Variants in CASZ1 observed in about 807,000 individuals in gnomAD.
The protein encoded by CASZ1 is castor zinc finger 1, also known as zinc finger protein castor homolog 1.
Under a neutral mutation model 135.2 loss-of-function variants are expected in CASZ1, and 28 were observed. That is an observed-to-expected ratio of 0.21 (90% CI 0.15 to 0.28). The LOEUF is 0.28. Among genes scored for constraint, CASZ1 ranks in the 10% least tolerant of loss-of-function variants. CASZ1 has a pLI of 1.00. For missense variants in CASZ1, 2,161 were observed against 2,453.3 expected (o/e 0.88, Z 2.52); for synonymous variants, 1,068 against 1,073.4 (o/e 0.99, Z 0.10).
intron 1 of CASZ1, among the ~76,000 whole-genome samples, chr1:10,763,526 T>C (rs1359345367): frequency 6.6e-6 from 1 of 152,188 alleles, no homozygotes; most frequent in African/African-American, 2.4e-5. Context: ...CACCCTCTTC[T>C]TCCAAGCCTC....
chr1:10,790,877 A>G (rs1640944709), intron 1 of CASZ1, among the ~76,000 whole-genome samples: 2 of 152,092 alleles, frequency 1.3e-5, no homozygotes, highest in Middle Eastern at 3.2e-3. Flanking sequence ...TTAGTAGGAC[A>G]TCTAGCACAT....
In CASZ1 at chr1:10,676,707, G is replaced by A. The variant is rs2100341999; in HGVS notation, c.17-11136C>T. Among the ~76,000 whole-genome samples, 1 of 152,344 alleles carries A rather than the reference G, an allele frequency of 6.6e-6. No individual in the cohort carries two copies. The highest frequency in any genetic ancestry group is 1.9e-4 in the East Asian group (1 of 5,182). The stretch of plus-strand genomic sequence containing the variant: ...ACGAGCCCCTGGCCCGGGGCGAGCA[G>A]CCCCACAGTTTCCTGACGTGGACGC... On this transcript the variant is annotated intron_variant, in intron 4 of 20. Coordinates refer to ENST00000377022, the MANE Select transcript of CASZ1 (RefSeq NM_001079843.3). The surrounding 1 kb of genome is among the most constrained non-coding windows in gnomAD (Gnocchi z 4.5).
chr1:10,687,991 G>A (rs2100387466), intron 4 of CASZ1, among the ~76,000 whole-genome samples: 1 of 152,318 alleles, frequency 6.6e-6, no homozygotes. Context: ...CCCCCACTAA[G>A]AAGCCGGGGA....
chr1:10,657,139 G>A lies in CASZ1; in HGVS notation c.1410-403C>T, dbSNP rs779895439. On this transcript the variant is annotated intron_variant, in intron 7 of 20. Transcript: ENST00000377022. This position sits in a 1 kb window ranked among gnomAD's most constrained non-coding sequence, Gnocchi z 5.7. ...GCCAGCCGGGCTCTGATGCTGAGAG[G>A]TGTTAAAGGGCTCTCTCTGTCCTGG... Among the ~76,000 whole-genome samples, 2 of 152,262 alleles carry A rather than the reference G, an allele frequency of 1.3e-5. No individual in the cohort carries two copies. Among genetic ancestry groups the A allele is most frequent in the Admixed American group, 6.5e-5 (1 of 15,290 alleles).
Position 10,739,262 on chromosome 1 carries a change from G to A in CASZ1, c.-77+21439C>T, listed in dbSNP as rs544694671. Among the ~76,000 whole-genome samples, 161 of 152,198 alleles carry A rather than the reference G, an allele frequency of 1.1e-3. No homozygotes were observed. Among genetic ancestry groups the A allele is most frequent in the African/African-American group, 3.6e-3 (148 of 41,520 alleles). On this transcript the variant is annotated intron_variant, in intron 2 of 20. Transcript: ENST00000377022. The surrounding 1 kb of genome is among the most constrained non-coding windows in gnomAD (Gnocchi z 4.8). The stretch of plus-strand genomic sequence containing the variant: ...GTGCATTCACGAGGGGGGTGTGTGC[G>A]CCTGGGGGTCACCCCTGCTGTCTCT...
chr1:10,758,639 C>A lies in CASZ1; in HGVS notation c.-77+2062G>T, dbSNP rs922757497. On this transcript the variant is annotated intron_variant, in intron 2 of 20. Coordinates refer to ENST00000377022, the MANE Select transcript of CASZ1 (RefSeq NM_001079843.3). ...GAGCCACCGCACCTGGCCCCAGACC[C>A]TCTGTACTGCTGGATAAATTCAACC... 3.8e-4 allele frequency among the ~76,000 whole-genome samples: 58 copies of A among 152,146 alleles called. 1 individual carries two copies. Among genetic ancestry groups the A allele is most frequent in the Middle Eastern group, 3.2e-3 (1 of 316 alleles).
At chr1:10,744,972 G>A (rs540614012) in intron 2 of CASZ1, among the ~76,000 whole-genome samples, 6 of 152,236 alleles carry the variant, frequency 3.9e-5, no homozygotes, top group South Asian at 2.1e-4. Context: ...CCCAGCAACC[G>A]GCGAGGAAGT....
intron 4 of CASZ1, among the ~76,000 whole-genome samples, chr1:10,678,554 C>T (rs1289810119): frequency 2.7e-4 from 41 of 152,202 alleles, no homozygotes; most frequent in Admixed American, 2.7e-3. Flanking sequence ...ACCCAGCTCC[C>T]CCACCCGTTC....
intron 4 of CASZ1, among the ~76,000 whole-genome samples, chr1:10,675,667 C>A (rs1010118560): frequency 6.6e-6 from 1 of 152,096 alleles, no homozygotes; most frequent in African/African-American, 2.4e-5. Flanking sequence ...ACTCTGGGCT[C>A]CTCTCCCAGT....
At chr1:10,746,247 C>A (rs999916082) in intron 2 of CASZ1, among the ~76,000 whole-genome samples, 1 of 152,108 alleles carries the variant, frequency 6.6e-6, no homozygotes, top group South Asian at 2.1e-4. Flanking sequence ...TCATTACACT[C>A]CATCACTCAC....
At position 10,679,166 on chromosome 1, in the gene CASZ1, C is replaced by A. The variant is rs1436950858; in HGVS notation, c.17-13595G>T. ...TCACGAGGGGACTGCAGGGCTGGCA[C>A]AGAGCTCTCCGCCAGGGCCTGCTGC... On this transcript the variant is annotated intron_variant, in intron 4 of 20. Coordinates refer to ENST00000377022, the MANE Select transcript of CASZ1 (RefSeq NM_001079843.3). The surrounding 1 kb of genome is among the most constrained non-coding windows in gnomAD (Gnocchi z 4.7). 6.6e-6 allele frequency among the ~76,000 whole-genome samples: 1 copy of A among 152,220 alleles called. No individual in the cohort carries two copies.
In CASZ1 at chr1:10,724,804, G is replaced by T. The variant is rs1488216653; in HGVS notation, c.-76-19260C>A. On this transcript the variant is annotated intron_variant, in intron 2 of 20. Transcript: ENST00000377022. The surrounding 1 kb of genome is among the most constrained non-coding windows in gnomAD (Gnocchi z 4.1). Reference sequence around the variant, plus strand: ...GGCAGAGGAAGGCAGGTGGGGGGCTGGCTGGGAGCCTCGGAGGATGACATA... The same window carrying T: ...GGCAGAGGAAGGCAGGTGGGGGGCTTGCTGGGAGCCTCGGAGGATGACATA... 6.6e-6 allele frequency among the ~76,000 whole-genome samples: 1 copy of T among 152,218 alleles called. No homozygotes were observed. Among genetic ancestry groups the T allele is most frequent in the Admixed American group, 6.5e-5 (1 of 15,288 alleles).
chr1:10,650,454 T>G (rs996430178), intron 13 of CASZ1: 9 of 408,264 alleles, frequency 2.2e-5, no homozygotes, highest in Non-Finnish European at 3.4e-5. Context: ...GCCCTCCATC[T>G]GAAGGGAAAA....
rs1045854357 is a variant in CASZ1, at chr1:10,676,683, C to T, written c.17-11112G>A. ...CCTCGACCAGCCTACAGCTCAGAAA[C>T]GAGCCCCTGGCCCGGGGCGAGCAGC... On this transcript the variant is annotated intron_variant, in intron 4 of 20. Transcript: ENST00000377022. The surrounding 1 kb of genome is among the most constrained non-coding windows in gnomAD (Gnocchi z 4.5). Among the ~76,000 whole-genome samples the T allele has an allele frequency of 2.6e-5, 4 of 152,176 alleles. No homozygotes were observed. The highest frequency in any genetic ancestry group is 1.3e-4 in the Admixed American group (2 of 15,282).
intron 1 of CASZ1, among the ~76,000 whole-genome samples, chr1:10,775,013 A>C (rs1195806783): frequency 6.6e-6 from 1 of 152,040 alleles, no homozygotes; most frequent in African/African-American, 2.4e-5. Flanking sequence ...ACACCGAGAA[A>C]ACCTCACCAG....
chr1:10,771,990 G>C (rs1275298369), intron 1 of CASZ1, among the ~76,000 whole-genome samples: 1 of 152,166 alleles, frequency 6.6e-6, no homozygotes, highest in Non-Finnish European at 1.5e-5. Flanking sequence ...TCTGTGCCCT[G>C]ATCTCAGCAA....
At chr1:10,656,449 T>C (rs1642798249) in intron 8 of CASZ1, among the ~76,000 whole-genome samples, 197 bp downstream of exon 8, 1 of 152,150 alleles carries the variant, frequency 6.6e-6, no homozygotes, top group East Asian at 1.9e-4. Context: ...CCCCCAATCG[T>C]AGGAGCTGCT....
At chr1:10,685,274 G>A (rs1427644936) in intron 4 of CASZ1, among the ~76,000 whole-genome samples, 1 of 152,228 alleles carries the variant, frequency 6.6e-6, no homozygotes, top group East Asian at 1.9e-4. Flanking sequence ...TGGGAGGGAA[G>A]TGGGGGGCAC....
chr1:10,682,978 C>T (rs1019867286), intron 4 of CASZ1, among the ~76,000 whole-genome samples: 2 of 152,262 alleles, frequency 1.3e-5, no homozygotes, highest in African/African-American at 4.8e-5. Context: ...CCACTCGGTC[C>T]TCTAACTCTG....
Sources: allele counts gnomAD v4.1 joint callset (sites outside exome capture counted in the v4.1 genomes callset), GRCh38; gene constraint gnomAD v4.1.1; non-coding constraint Gnocchi (gnomAD v3.1); transcripts MANE v1.5; gene names NCBI Gene and HGNC (gene_info 2026-07-23, HGNC 2026-07-21).